PPM1H: variants seen among roughly 807,000 people sequenced by gnomAD.
PPM1H encodes the protein protein phosphatase, Mg2+/Mn2+ dependent 1H, also known as protein phosphatase 1H.
A neutral mutation model predicts 54.9 loss-of-function variants in PPM1H; 27 were observed. The observed-to-expected ratio is 0.49, with a 90% CI of 0.36 to 0.68. The LOEUF (loss-of-function observed/expected upper bound fraction) is 0.68. Ranked by LOEUF, PPM1H falls within the 30% of genes least tolerant of loss-of-function variation. The pLI is 0.00. For missense variants in PPM1H, 596 were observed against 667.8 expected, an observed-to-expected ratio of 0.89 and a Z score of 1.19; for synonymous variants, 305 against 270.8, an observed-to-expected ratio of 1.13 and a Z score of -1.24.
chr12:62,813,361 G>A (rs2076846726), intron 2 of PPM1H, among the ~76,000 whole-genome samples: 1 of 136,570 alleles, frequency 7.3e-6, no homozygotes, highest in Non-Finnish European at 1.5e-5. Context: ...TGGTCGGCGT[G>A]TAAGAGACAC....
At chr12:62,750,534 G>C (rs946118246) in intron 4 of PPM1H, among the ~76,000 whole-genome samples, 1 of 152,084 alleles carries the variant, frequency 6.6e-6, no homozygotes, top group Admixed American at 6.5e-5. Flanking sequence ...AGACATTTGT[G>C]TTTCCATTTT....
intron 6 of PPM1H, among the ~76,000 whole-genome samples, chr12:62,718,555 C>A (rs2076247724): frequency 6.6e-6 from 1 of 152,132 alleles, no homozygotes; most frequent in African/African-American, 2.4e-5. Context: ...CCCTCAGTAC[C>A]AGCCCCATCT....
chr12:62,718,316 T>G (rs1252270433), intron 6 of PPM1H, among the ~76,000 whole-genome samples: 1 of 152,206 alleles, frequency 6.6e-6, no homozygotes, highest in Non-Finnish European at 1.5e-5. Context: ...TTTCTGCTTC[T>G]ATCCCTCTAT....
intron 8 of PPM1H, among the ~76,000 whole-genome samples, chr12:62,678,442 T>C (rs753203246): frequency 6.6e-6 from 1 of 152,228 alleles, no homozygotes; most frequent in Non-Finnish European, 1.5e-5. Context: ...CCATGAATTA[T>C]TGTGAGTTGC....
Position 62,648,439 on chromosome 12 carries a change from A to G in PPM1H, c.*50T>C. The stretch of plus-strand genomic sequence containing the variant: ...CACTTCCCAGTTCCGTCCTGCCAAG[A>G]GGCATCCCAGCTTTCTTCCCCTCTG... On this transcript the variant is annotated 3_prime_UTR_variant, in exon 10 of 10. Transcript: ENST00000228705. The G allele has an allele frequency of 6.2e-7, 1 of 1,603,630 alleles. No individual in the cohort carries two copies. Among genetic ancestry groups the G allele is most frequent in the Non-Finnish European group, 8.5e-7 (1 of 1,173,160 alleles).
chr12:62,859,417 G>A (rs1869516447), intron 1 of PPM1H, among the ~76,000 whole-genome samples: 1 of 152,164 alleles, frequency 6.6e-6, no homozygotes, highest in South Asian at 2.1e-4. Context: ...GAACCCTGCA[G>A]TGACTTGCAT....
At chr12:62,912,941 A>G (rs994574852) in intron 1 of PPM1H, among the ~76,000 whole-genome samples, 4 of 152,212 alleles carry the variant, frequency 2.6e-5, no homozygotes, top group African/African-American at 9.6e-5. Context: ...CGGAGTATCC[A>G]CCATGTCCTT....
intron 4 of PPM1H, among the ~76,000 whole-genome samples, chr12:62,771,490 C>T (rs73314579): frequency 0.014 from 2,177 of 152,200 alleles, 47 homozygotes; most frequent in African/African-American, 0.05. Context: ...AGCTCAGGAA[C>T]GCTATCAGAA....
chr12:62,817,904 G>A (rs541303266), intron 2 of PPM1H, among the ~76,000 whole-genome samples: 51 of 152,192 alleles, frequency 3.4e-4, no homozygotes, highest in African/African-American at 1.0e-3. Flanking sequence ...GGTCTTGGCC[G>A]AGATGCTGAC....
At chr12:62,716,281 G>A (rs923833630) in intron 6 of PPM1H, among the ~76,000 whole-genome samples, 4 of 152,090 alleles carry the variant, frequency 2.6e-5, no homozygotes, top group African/African-American at 4.8e-5. Context: ...CTCCTCTTAC[G>A]AGTTATGTAA....
chr12:62,915,231 A>G lies in PPM1H; in HGVS notation c.245+19261T>C, dbSNP rs144865438. Among the ~76,000 whole-genome samples, 618 of 152,370 alleles carry G rather than the reference A, an allele frequency of 4.1e-3. 4 individuals carry two copies. The highest frequency in any genetic ancestry group is 6.8e-3 in the Non-Finnish European group (462 of 68,038). On this transcript the variant is annotated intron_variant, in intron 1 of 9. Transcript: ENST00000228705. ...GGATGATTTTTAACTGCAATGAGTT[A>G]GAAATCTCAGGACAAAAGAAACTTG...
At chr12:62,678,646 G>A (rs2076000798) in intron 8 of PPM1H, among the ~76,000 whole-genome samples, 1 of 152,012 alleles carries the variant, frequency 6.6e-6, no homozygotes, top group Non-Finnish European at 1.5e-5. Flanking sequence ...TCTCTCCCAT[G>A]TAAGGTGAGA....
chr12:62,837,208 G>A (rs1045078170), intron 1 of PPM1H, among the ~76,000 whole-genome samples: 2 of 152,174 alleles, frequency 1.3e-5, no homozygotes, highest in Non-Finnish European at 1.5e-5. Context: ...CTGTTAAATT[G>A]TCAAGTTATC....
intron 1 of PPM1H, among the ~76,000 whole-genome samples, chr12:62,867,580 T>A (rs1040143687): frequency 5.3e-5 from 6 of 112,212 alleles, no homozygotes; most frequent in Admixed American, 2.5e-4. Flanking sequence ...TTTTTTTTTT[T>A]TTTTTTTTTT....
At chr12:62,928,517 C>G (rs977453297) in intron 1 of PPM1H, among the ~76,000 whole-genome samples, 3 of 152,198 alleles carry the variant, frequency 2.0e-5, no homozygotes, top group Non-Finnish European at 4.4e-5. Flanking sequence ...AGTTAAATAA[C>G]TGCAGTCCCA....
chr12:62,809,827 C>T (rs1407888212), intron 2 of PPM1H, among the ~76,000 whole-genome samples: 1 of 152,178 alleles, frequency 6.6e-6, no homozygotes, highest in Non-Finnish European at 1.5e-5. Flanking sequence ...CTGAACTTCT[C>T]TCATTTCCTC....
intron 1 of PPM1H, among the ~76,000 whole-genome samples, chr12:62,872,259 T>C (rs981006805): frequency 6.6e-6 from 1 of 152,164 alleles, no homozygotes; most frequent in Non-Finnish European, 1.5e-5. Flanking sequence ...AGTACAACAG[T>C]GGTGTTCTGA....
chr12:62,886,134 C>T (rs966766795), intron 1 of PPM1H, among the ~76,000 whole-genome samples: 1 of 152,134 alleles, frequency 6.6e-6, no homozygotes, highest in Non-Finnish European at 1.5e-5. Flanking sequence ...TTTGGTTAGC[C>T]CAGTTGCTTT....
chr12:62,652,350 C>T (rs1343059478), intron 9 of PPM1H, among the ~76,000 whole-genome samples: 3 of 152,120 alleles, frequency 2.0e-5, no homozygotes, highest in South Asian at 2.1e-4. Context: ...GTAGCTAGGA[C>T]TAAGGCATAT....
Sources: gnomAD v4.1 joint callset for allele counts (sites outside exome capture counted in the v4.1 genomes callset) on GRCh38, gnomAD v4.1.1 for gene constraint, MANE v1.5 for transcripts, NCBI Gene and HGNC (gene_info 2026-07-23, HGNC 2026-07-21) for gene names.